Variants in KDM2B observed in about 807,000 individuals in gnomAD.
The protein encoded by KDM2B is lysine-specific demethylase 2B.
A neutral mutation model predicts 150.0 loss-of-function variants in KDM2B; 26 were observed. The observed-to-expected ratio is 0.17, with a 90% confidence interval of 0.13 to 0.24. KDM2B has a LOEUF of 0.24. Among genes scored for constraint, KDM2B ranks in the 10% least tolerant of loss-of-function variants. The pLI is 1.00. For missense variants in KDM2B, 1,265 were observed against 1,816.9 expected (o/e 0.70, Z 5.52); for synonymous variants, 734 against 729.5 (o/e 1.01, Z -0.10).
intron 12 of KDM2B, among the ~76,000 whole-genome samples, chr12:121,476,480 T>G (rs923928553): frequency 6.6e-6 from 1 of 151,694 alleles, no homozygotes; most frequent in Non-Finnish European, 1.5e-5. Flanking sequence ...TTTTGTTTTT[T>G]GTTTTTAAAA....
chr12:121,579,045 C>G (rs1891730281), intron 1 of KDM2B, 99 bp from the exon 2 acceptor site: 2 of 1,288,878 alleles, frequency 1.6e-6, no homozygotes, highest in African/African-American at 3.0e-5. Flanking sequence ...CAGCCGAGCG[C>G]CCCCTGCACC....
At chr12:121,574,220 T>C in intron 4 of KDM2B, 1 of 246,864 alleles carries the variant, frequency 4.1e-6, no homozygotes, top group East Asian at 1.1e-4. Flanking sequence ...TGAGGGATCA[T>C]AAAGCACCCA....
At chr12:121,471,103 T>C (rs911044463) in intron 12 of KDM2B, among the ~76,000 whole-genome samples, 3 of 152,246 alleles carry the variant, frequency 2.0e-5, no homozygotes, top group Non-Finnish European at 4.4e-5. Flanking sequence ...CTGGACTATA[T>C]ATACAATACA....
At chr12:121,418,317 C>T in the KDM2B span, 1 of 164,884 alleles carries the variant, frequency 6.1e-6, no homozygotes, top group African/African-American at 2.4e-5. Flanking sequence ...ATTTGTCTTG[C>T]TACAGTGAAA....
chr12:121,558,789 C>T (rs1429281243), intron 4 of KDM2B, among the ~76,000 whole-genome samples: 3 of 151,878 alleles, frequency 2.0e-5, no homozygotes, highest in Non-Finnish European at 2.9e-5. Context: ...TGGGGTTTAG[C>T]CATGTTGGCC....
intron 12 of KDM2B, among the ~76,000 whole-genome samples, chr12:121,459,507 C>CA (rs142388117): frequency 0.14 from 21,598 of 151,824 alleles, 2,111 homozygotes; most frequent in East Asian, 0.35. Flanking sequence ...GCACAGGTGT[C>CA]AAAAAAAAGA....
chr12:121,570,229 T>A (rs139432262), intron 4 of KDM2B, among the ~76,000 whole-genome samples: 3,088 of 152,110 alleles, frequency 0.02, 114 homozygotes, highest in African/African-American at 0.07. Flanking sequence ...TTTTTGTATT[T>A]TTAGTAGGGA....
intron 21 of KDM2B, 80 bp downstream of exon 21, chr12:121,440,736 G>A: frequency 1.5e-6 from 2 of 1,323,618 alleles, no homozygotes; most frequent in Non-Finnish European, 2.1e-6. Flanking sequence ...GGGAACAGCT[G>A]GGGTCTGAGG....
At position 121,550,997 on chromosome 12, in the gene KDM2B, CAATGGCAGAGCTA is replaced by C. The variant is rs377624535; in HGVS notation, c.398-1372_398-1360del. Among the ~76,000 whole-genome samples, 717 of 152,240 alleles carry C rather than the reference CAATGGCAGAGCTA, an allele frequency of 4.7e-3. 7 individuals are homozygous for C. The highest frequency in any genetic ancestry group is 0.016 in the African/African-American group (675 of 41,540). ...ATTGTATAGGGCTGGCTCCGTGCGA[CAATGGCAGAGCTA>C]AGTAGTTGCAACAGACCAAATGGCC... On this transcript the variant is annotated intron_variant, in intron 4 of 22. Transcript: ENST00000377071.
intron 12 of KDM2B, chr12:121,493,867 T>C (rs868932737): frequency 2.0e-5 from 3 of 152,208 alleles, no homozygotes; most frequent in Non-Finnish European, 2.9e-5. Flanking sequence ...TTTTATTTTA[T>C]TTTATTTTTT....
chr12:121,535,029 T>C (rs1217282608), intron 6 of KDM2B, among the ~76,000 whole-genome samples: 1 of 152,052 alleles, frequency 6.6e-6, no homozygotes, highest in Non-Finnish European at 1.5e-5. Flanking sequence ...TGGAATTCAG[T>C]TGTAAACCAC....
intron 1 of KDM2B, 126 bp downstream of exon 1, chr12:121,580,660 G>T: frequency 7.4e-7 from 1 of 1,352,620 alleles, no homozygotes; most frequent in Non-Finnish European, 9.9e-7. Flanking sequence ...TGCAAGCCGA[G>T]CATGCTGGCG....
rs534727815 is a variant in KDM2B at position 121,532,865 on chromosome 12, C to T, written c.872G>A (p.Arg291His). The T allele has an allele frequency of 1.4e-5, 22 of 1,614,182 alleles. No individual in the cohort carries two copies. The highest frequency in any genetic ancestry group is 5.5e-5 in the South Asian group (5 of 91,086). The change falls in exon 8 of 23, where the codon CGT (arginine) becomes CAT (histidine). Residue 291 changes from arginine (R) to histidine (H), a missense_variant. By Grantham distance (29) the Arg-to-His change is conservative. Transcript: ENST00000377071. ...GKQSDIFLGDRVERCQRIELK... is the reference protein window; with the variant it reads ...GKQSDIFLGDHVERCQRIELK... ...CTCAATTCTTTGGCATCGTTCCACA[C>T]GGTCTCCCAGAAAGATGTCACTCTG...
intron 6 of KDM2B, among the ~76,000 whole-genome samples, chr12:121,542,963 C>T (rs1194385442): frequency 6.6e-6 from 1 of 152,214 alleles, no homozygotes; most frequent in Non-Finnish European, 1.5e-5. Flanking sequence ...AATTAACATA[C>T]TCCTTGCAAA....
At chr12:121,545,341 T>C (rs1364333258) in intron 6 of KDM2B, among the ~76,000 whole-genome samples, 2 of 151,348 alleles carry the variant, frequency 1.3e-5, no homozygotes, top group East Asian at 3.9e-4. Flanking sequence ...CCAAGACAAA[T>C]GGTCCTAGAA....
chr12:121,483,107 G>A (rs1292182308), intron 12 of KDM2B, among the ~76,000 whole-genome samples: 2 of 151,842 alleles, frequency 1.3e-5, no homozygotes, highest in African/African-American at 2.4e-5. Flanking sequence ...AGGCTGCAGT[G>A]AGCCAGGATT....
chr12:121,449,066 G>A (rs372019588), intron 13 of KDM2B, among the ~76,000 whole-genome samples: 2 of 152,152 alleles, frequency 1.3e-5, no homozygotes, highest in Admixed American at 6.5e-5. Context: ...GGTGAAGCAC[G>A]GCCCACACGG....
intron 6 of KDM2B, among the ~76,000 whole-genome samples, chr12:121,535,065 C>T (rs186405494): frequency 1.2e-3 from 182 of 152,184 alleles, no homozygotes; most frequent in Non-Finnish European, 2.3e-3. Context: ...ATTACCAGTC[C>T]CCATTCATCT....
intron 13 of KDM2B, among the ~76,000 whole-genome samples, chr12:121,451,681 G>A (rs1555291663): frequency 6.6e-6 from 1 of 152,202 alleles, no homozygotes; most frequent in East Asian, 1.9e-4. Context: ...GGAGGCCGAG[G>A]TGGGTAGATC....
Sources: allele counts gnomAD v4.1 joint callset (sites outside exome capture counted in the v4.1 genomes callset), GRCh38; gene constraint gnomAD v4.1.1; transcripts MANE v1.5; gene names NCBI Gene and HGNC (gene_info 2026-07-23, HGNC 2026-07-21).